PREX2: variants seen among roughly 807,000 people sequenced by gnomAD.
PREX2 encodes phosphatidylinositol 3,4,5-trisphosphate-dependent Rac exchanger 2 protein.
In PREX2, 107 loss-of-function variants were observed where a neutral mutation model predicts 203.2. The ratio of observed to expected loss-of-function variants is 0.53; its 90% confidence interval spans 0.45 to 0.62. PREX2 has a LOEUF of 0.62. PREX2 is among the 20% of genes least tolerant of loss of function. PREX2 has a pLI of 0.00. For synonymous variants in PREX2, 672 were observed against 663.6 expected, an observed-to-expected ratio of 1.01 and a Z score of -0.19; for missense variants, 1,777 against 1,955.9, an observed-to-expected ratio of 0.91 and a Z score of 1.72.
intron 1 of PREX2, among the ~76,000 whole-genome samples, chr8:67,958,976 A>G (rs1442357723): frequency 6.6e-6 from 1 of 152,242 alleles, no homozygotes; most frequent in African/African-American, 2.4e-5. Context: ...ATTTGGGCCA[A>G]AAGTGAGAGA....
intron 15 of PREX2, among the ~76,000 whole-genome samples, chr8:68,080,007 C>A (rs1809464655): frequency 6.6e-6 from 1 of 152,124 alleles, no homozygotes. Context: ...ACACTTAACC[C>A]ATTTGAATTT....
At chr8:68,106,895 C>T (rs1208405358) in intron 23 of PREX2, among the ~76,000 whole-genome samples, 1 of 152,046 alleles carries the variant, frequency 6.6e-6, no homozygotes. Context: ...ACTGACTTGC[C>T]TAACATCATA....
intron 33 of PREX2, among the ~76,000 whole-genome samples, chr8:68,143,476 C>G (rs557232855): frequency 1.4e-4 from 22 of 152,244 alleles, no homozygotes; most frequent in Admixed American, 4.6e-4. Context: ...AACCATGAAC[C>G]AATTAAACCT....
At chr8:68,079,544 A>G (rs915389915) in intron 15 of PREX2, among the ~76,000 whole-genome samples, 2 of 151,360 alleles carry the variant, frequency 1.3e-5, no homozygotes, top group Non-Finnish European at 2.9e-5. Flanking sequence ...GGCCTGTCTC[A>G]TCACAAAACC....
chr8:67,964,701 T>C (rs992547756), intron 1 of PREX2, among the ~76,000 whole-genome samples: 27 of 152,174 alleles, frequency 1.8e-4, no homozygotes, highest in African/African-American at 9.7e-5. Flanking sequence ...TTTAAAATTT[T>C]GTGGAAGTTT....
intron 32 of PREX2, among the ~76,000 whole-genome samples, chr8:68,137,249 C>A (rs1811131112): frequency 6.6e-6 from 1 of 151,696 alleles, no homozygotes; most frequent in Non-Finnish European, 1.5e-5. Context: ...GTTAAACTAA[C>A]TGTTTAAAAG....
chr8:68,208,520 T>C (rs1812683868), intron 37 of PREX2, among the ~76,000 whole-genome samples: 1 of 152,188 alleles, frequency 6.6e-6, no homozygotes, highest in Non-Finnish European at 1.5e-5. Flanking sequence ...TTAACTTCTC[T>C]CTTATCAGGT....
intron 1 of PREX2, among the ~76,000 whole-genome samples, chr8:68,002,055 C>T (rs1008472682): frequency 6.6e-6 from 1 of 151,490 alleles, no homozygotes; most frequent in Admixed American, 6.6e-5. Flanking sequence ...ATGTAACAAA[C>T]CTGCATATGT....
In PREX2 at chr8:68,011,131, G is replaced by T. The variant is rs542577869; in HGVS notation, c.142-6715G>T. Among the ~76,000 whole-genome samples, 87 of 152,080 alleles carry T rather than the reference G, an allele frequency of 5.7e-4. 1 individual carries two copies. The highest frequency in any genetic ancestry group is 2.5e-3 in the Admixed American group (38 of 15,258). ...TATCACTTCTAAGAGTAAATATCTC[G>T]CTTAATTTTAGATTCCTTGGGGAAC... On this transcript the variant is annotated intron_variant, in intron 1 of 39. Transcript: ENST00000288368.
chr8:68,136,484 C>G (rs1436832117), intron 32 of PREX2, among the ~76,000 whole-genome samples: 2 of 152,114 alleles, frequency 1.3e-5, no homozygotes, highest in African/African-American at 4.8e-5. Context: ...AGCCAGTGGT[C>G]ACTTGGGCCT....
intron 21 of PREX2, among the ~76,000 whole-genome samples, chr8:68,094,051 A>T (rs931694934): frequency 6.6e-6 from 1 of 152,228 alleles, no homozygotes; most frequent in Non-Finnish European, 1.5e-5. Flanking sequence ...CAAACTAGTT[A>T]AGTAGTAGAG....
At chr8:68,211,787 C>T (rs370438751) in intron 37 of PREX2, among the ~76,000 whole-genome samples, 10 of 151,932 alleles carry the variant, frequency 6.6e-5, no homozygotes, top group South Asian at 2.1e-4. Flanking sequence ...TGACTGAAAG[C>T]GTAAAGAAGT....
chr8:68,145,093 A>G (rs183703033), intron 33 of PREX2, among the ~76,000 whole-genome samples: 3 of 152,176 alleles, frequency 2.0e-5, no homozygotes, highest in Admixed American at 2.0e-4. Context: ...TTTAGTGTCC[A>G]TAGTTCTTTT....
At chr8:68,137,026 C>T (rs1298387588) in intron 32 of PREX2, among the ~76,000 whole-genome samples, 1 of 151,874 alleles carries the variant, frequency 6.6e-6, no homozygotes, top group African/African-American at 2.4e-5. Context: ...CTGTCTCAGC[C>T]TCCCAAGTAG....
At chr8:68,091,494 AG>A (rs1809872279) in intron 20 of PREX2, among the ~76,000 whole-genome samples, 1 of 152,216 alleles carries the variant, frequency 6.6e-6, no homozygotes, top group Non-Finnish European at 1.5e-5. Context: ...ATTGGATTTG[AG>A]GATGCAACTA....
At chr8:68,164,772 G>A (rs2129614072) in intron 35 of PREX2, among the ~76,000 whole-genome samples, 1 of 151,894 alleles carries the variant, frequency 6.6e-6, no homozygotes, top group South Asian at 2.1e-4. Flanking sequence ...AGTAGAGGCA[G>A]GGTTTCTCCA....
At chr8:68,106,681 A>G (rs1041454864) in intron 23 of PREX2, among the ~76,000 whole-genome samples, 5 of 152,164 alleles carry the variant, frequency 3.3e-5, no homozygotes, top group African/African-American at 1.2e-4. Flanking sequence ...TGCAATGTCA[A>G]TTTTGATATT....
chr8:68,099,454 A>G (rs1447950843), intron 22 of PREX2, among the ~76,000 whole-genome samples: 2 of 152,154 alleles, frequency 1.3e-5, no homozygotes, highest in African/African-American at 2.4e-5. Context: ...TGAAATTTCA[A>G]ACAGACAAGT....
At chr8:68,019,774 C>A in intron 3 of PREX2, 103 bp downstream of exon 3, 1 of 1,172,480 alleles carries the variant, frequency 8.5e-7, no homozygotes, top group Non-Finnish European at 1.2e-6. Flanking sequence ...GAAGTAAAAT[C>A]TGACACCAAA....
Sources: allele counts gnomAD v4.1 joint callset (sites outside exome capture counted in the v4.1 genomes callset), GRCh38; gene constraint gnomAD v4.1.1; transcripts MANE v1.5; gene names NCBI Gene and HGNC (gene_info 2026-07-23, HGNC 2026-07-21).